Variants in SLC6A5 observed in about 807,000 individuals in gnomAD.
SLC6A5 encodes the protein sodium- and chloride-dependent glycine transporter 2.
In SLC6A5, 58 loss-of-function variants were observed where a neutral mutation model predicts 90.5. The observed-to-expected ratio is 0.64, with a 90% CI of 0.52 to 0.80. The LOEUF (loss-of-function observed/expected upper bound fraction) is 0.80, where lower values mean the gene tolerates loss of function less well. SLC6A5 is among the 30% of genes least tolerant of loss of function. SLC6A5 has a pLI of 0.00. For missense variants in SLC6A5, 1,015 were observed against 1,017.6 expected, an observed-to-expected ratio of 1.00 and a Z score of 0.03; for synonymous variants, 427 against 401.4, an observed-to-expected ratio of 1.06 and a Z score of -0.76.
intron 10 of SLC6A5, among the ~76,000 whole-genome samples, chr11:20,635,520 T>A (rs1320428326): frequency 6.6e-6 from 1 of 152,064 alleles, no homozygotes; most frequent in Non-Finnish European, 1.5e-5. Flanking sequence ...GAGGACTAAA[T>A]AGGAGGAAGG....
chr11:20,641,555 C>G (rs1853315012), intron 13 of SLC6A5, among the ~76,000 whole-genome samples: 1 of 152,116 alleles, frequency 6.6e-6, no homozygotes, highest in African/African-American at 2.4e-5. Flanking sequence ...CAAATTCAAG[C>G]TTAATTTATT....
At chr11:20,624,061 C>T (rs2133795167) in intron 7 of SLC6A5, among the ~76,000 whole-genome samples, 1 of 150,160 alleles carries the variant, frequency 6.7e-6, no homozygotes, top group East Asian at 1.9e-4. Context: ...GCTTAACTGG[C>T]TGGCACATAT....
intron 3 of SLC6A5, among the ~76,000 whole-genome samples, chr11:20,604,960 A>C (rs550549557): frequency 5.3e-5 from 8 of 152,330 alleles, no homozygotes; most frequent in Non-Finnish European, 8.8e-5. Context: ...TTTTGATTTT[A>C]GTAAAATCTT....
rs755424648 is a variant in SLC6A5 at position 20,604,405 on chromosome 11, G to A, written c.660G>A (p.Leu220=). ...GCAATGTCTGGAGGTTTCCCTACCT[G>A]GCCTTCCAGAACGGGGGAGGTATGG... is the stretch of plus-strand genomic sequence containing the variant. ...GLGNVWRFPY[L]AFQNGGGAFL... Residue 220 remains leucine, a synonymous_variant, in exon 3 of 16, where the codon CTG becomes CTA. Coordinates refer to ENST00000525748, the MANE Select transcript of SLC6A5 (RefSeq NM_004211.5). The A allele has an allele frequency of 6.2e-7, 1 of 1,613,998 alleles. No individual in the cohort carries two copies. The highest frequency in any genetic ancestry group is 8.5e-7 in the Non-Finnish European group (1 of 1,179,932).
chr11:20,652,361 A>G lies in SLC6A5; in HGVS notation c.2143A>G (p.Met715Val), dbSNP rs140461634. ...YGSYRYPNWS[M>V]VLGWLMLACS... ...CTCTTACCGCTATCCTAACTGGTCC[A>G]TGGTGCTCGGATGGCTAATGCTCGC... Residue 715 changes from methionine (M) to valine (V), a missense_variant, in exon 15 of 16, where the codon ATG becomes GTG. Met to Val is a conservative substitution (Grantham distance 21). Around this residue, in one of 3 missense-constraint regions of SLC6A5, gnomAD observed 442 missense variants for 494.3 expected, o/e 0.89. Transcript: ENST00000525748. The G allele has an allele frequency of 5.0e-6, 8 of 1,614,084 alleles. No individual in the cohort carries two copies. The highest frequency in any genetic ancestry group is 5.9e-6 in the Non-Finnish European group (7 of 1,179,966).
intron 2 of SLC6A5, among the ~76,000 whole-genome samples, chr11:20,603,831 TG>T (rs1852523610): frequency 6.6e-6 from 1 of 152,024 alleles, no homozygotes; most frequent in South Asian, 2.1e-4. Flanking sequence ...GGTTTTTTTT[TG>T]TGGGAGAGGG....
chr11:20,600,341 AG>A (rs1224370519), intron 1 of SLC6A5, among the ~76,000 whole-genome samples: 1 of 45,086 alleles, frequency 2.2e-5, no homozygotes, highest in Admixed American at 2.9e-4. Flanking sequence ...AAGAGGAAGA[AG>A]AAGAAGAAGA....
intron 5 of SLC6A5, among the ~76,000 whole-genome samples, chr11:20,612,421 A>G (rs1852711506): frequency 6.6e-6 from 1 of 152,216 alleles, no homozygotes; most frequent in African/African-American, 2.4e-5. Flanking sequence ...AGCTCTCGGG[A>G]GTAGTGGAAC....
chr11:20,610,937 G>T (rs1355200265), intron 5 of SLC6A5, among the ~76,000 whole-genome samples: 2 of 152,154 alleles, frequency 1.3e-5, no homozygotes, highest in East Asian at 3.9e-4. Context: ...TGTCCTTGCA[G>T]GGTTAACAAG....
chr11:20,649,290 A>G (rs1853479216), intron 14 of SLC6A5, among the ~76,000 whole-genome samples: 1 of 152,176 alleles, frequency 6.6e-6, no homozygotes, highest in African/African-American at 2.4e-5. Context: ...GGAAGTAAGG[A>G]CAATGAGAAG....
chr11:20,627,963 T>A lies in SLC6A5; in HGVS notation c.1396-17T>A. 6.2e-7 allele frequency: 1 copy of A among 1,603,236 alleles called. No homozygotes were observed. The highest frequency in any genetic ancestry group is 1.1e-5 in the South Asian group (1 of 90,882). On this transcript the variant is annotated splice_polypyrimidine_tract_variant and intron_variant, in intron 8 of 15. Coordinates refer to ENST00000525748, the MANE Select transcript of SLC6A5 (RefSeq NM_004211.5). ...CTCCTTCATGGGTCTTGAATCTCTT[T>A]CCCTTTTGCCTCTCAGGTGTGGAAA...
chr11:20,602,885 C>A (rs1852506567), intron 2 of SLC6A5, among the ~76,000 whole-genome samples: 1 of 152,200 alleles, frequency 6.6e-6, no homozygotes, highest in African/African-American at 2.4e-5. Context: ...CCAGGTGGAG[C>A]AGAATATTTG....
Position 20,607,153 on chromosome 11 carries a change from C to A in SLC6A5, c.811+15C>A. The A allele has an allele frequency of 1.2e-6, 2 of 1,602,190 alleles. No homozygotes were observed. Among genetic ancestry groups the A allele is most frequent in the South Asian group, 1.1e-5 (1 of 89,354 alleles). ...AGCTCTACAAGGTGAGTCCAGCCTGCCGCTCAGCCTCCTCAGGCCCTTTCT... is the reference window on the plus strand; with the variant it reads ...AGCTCTACAAGGTGAGTCCAGCCTGACGCTCAGCCTCCTCAGGCCCTTTCT... On this transcript the variant is annotated intron_variant, in intron 4 of 15. Transcript: ENST00000525748.
chr11:20,600,866 C>G (rs1852457231), intron 1 of SLC6A5, among the ~76,000 whole-genome samples: 1 of 152,208 alleles, frequency 6.6e-6, no homozygotes, highest in Admixed American at 6.5e-5. Context: ...TTTACCCTTA[C>G]AAAATTACAT....
intron 13 of SLC6A5, 145 bp from the exon 14 acceptor site, chr11:20,646,689 C>G (rs1386302113): frequency 1.6e-5 from 11 of 685,386 alleles, no homozygotes; most frequent in Admixed American, 8.6e-5. Context: ...TGATGGTTCC[C>G]TGCATAATAG....
In SLC6A5 at chr11:20,601,220, C is replaced by T. The variant is rs527326906; in HGVS notation, c.95C>T (p.Pro32Leu). The change falls in exon 2 of 16, where the codon CCC (proline) becomes CTC (leucine). Residue 32 changes from proline to leucine, a missense_variant. Physicochemically the swap from Pro to Leu is moderately conservative, Grantham distance 98. Coordinates refer to ENST00000525748, the MANE Select transcript of SLC6A5 (RefSeq NM_004211.5). ...AQGHPDGPCA[P>L]RTSPEQELPA... ...GGCCACCCGGATGGCCCATGCGCTC[C>T]CAGGACGAGCCCGGAGCAGGAGCTT... The T allele has an allele frequency of 7.6e-5, 121 of 1,582,538 alleles. 2 individuals are homozygous for T. The South Asian group carries it at 1.2e-3, about 16-fold the overall frequency.
chr11:20,630,866 T>C (rs1362038720), intron 10 of SLC6A5, 51 bp downstream of exon 10: 2 of 1,605,582 alleles, frequency 1.2e-6, no homozygotes, highest in African/African-American at 1.3e-5. Flanking sequence ...CAGGCTCATG[T>C]CACAAGCTCC....
rs368513146 is a variant in SLC6A5 at position 20,614,736 on chromosome 11, T to C, written c.1043T>C (p.Met348Thr). The change falls in exon 6 of 16, where the codon ATG (methionine) becomes ACG (threonine). Residue 348 changes from methionine (M) to threonine (T), a missense_variant. Physicochemically the swap from Met to Thr is moderately conservative, Grantham distance 81. Around this residue, in one of 3 missense-constraint regions of SLC6A5, gnomAD observed 567 missense variants for 507.3 expected, o/e 1.12. Transcript: ENST00000525748. ...KIQIKNSTFC[M>T]TAYPNVTMVN... ...CAGATCAAGAACTCGACTTTCTGCA[T>C]GACCGCTTATCCCAACGTGACAATG... The C allele has an allele frequency of 1.9e-5, 30 of 1,613,860 alleles. No individual in the cohort carries two copies. The highest frequency in any genetic ancestry group is 2.5e-5 in the Non-Finnish European group (30 of 1,179,794).
intron 5 of SLC6A5, among the ~76,000 whole-genome samples, chr11:20,613,013 T>G (rs1765280146): frequency 6.6e-6 from 1 of 152,236 alleles, no homozygotes. Flanking sequence ...TTTTCTAATT[T>G]TATGCCTTCC....
Sources: gnomAD v4.1 joint callset for allele counts (sites outside exome capture counted in the v4.1 genomes callset) on GRCh38, gnomAD v4.1.1 for gene constraint, gnomAD v4.1.1 regional missense constraint, MANE v1.5 for transcripts, NCBI Gene and HGNC (gene_info 2026-07-23, HGNC 2026-07-21) for gene names.